The following ADGRV1 variants were observed in gnomAD, a reference collection of about 807,000 sequenced individuals.
ADGRV1 encodes G-protein coupled receptor 98.
In ADGRV1, 359 loss-of-function variants were observed where a neutral mutation model predicts 596.2. The observed-to-expected ratio is 0.60, with a 90% CI of 0.55 to 0.66. The LOEUF is 0.66. Ranked by LOEUF, ADGRV1 falls within the 30% of genes least tolerant of loss-of-function variation. The pLI is 0.00. For missense variants in ADGRV1, 7,274 were observed against 7,575.6 expected (o/e 0.96, Z 1.48); for synonymous variants, 2,681 against 2,679.2 (o/e 1.00, Z -0.02).
At chr5:91,157,256 A>G (rs1284117119) in intron 89 of ADGRV1, among the ~76,000 whole-genome samples, 1 of 152,230 alleles carries the variant, frequency 6.6e-6, no homozygotes, top group East Asian at 1.9e-4. Context: ...AAAGCTATGT[A>G]GCCTTTTGCA....
At chr5:91,007,876 A>G (rs1269123405) in intron 85 of ADGRV1, among the ~76,000 whole-genome samples, 1 of 152,136 alleles carries the variant, frequency 6.6e-6, no homozygotes, top group Non-Finnish European at 1.5e-5. Flanking sequence ...CAATTATACT[A>G]CTAATAGTAT....
intron 64 of ADGRV1, among the ~76,000 whole-genome samples, chr5:90,780,590 A>G (rs1375571888): frequency 6.6e-6 from 1 of 152,224 alleles, no homozygotes; most frequent in Non-Finnish European, 1.5e-5. Context: ...AAGTATCATT[A>G]CAGAAGTAAA....
At chr5:90,791,443 A>G in intron 70 of ADGRV1, 97 bp downstream of exon 70, 2 of 913,720 alleles carry the variant, frequency 2.2e-6, no homozygotes, top group Non-Finnish European at 3.2e-6. Context: ...TTATTCAGGT[A>G]TTTAAATGGA....
At chr5:91,094,461 TA>T (rs533784886) in intron 86 of ADGRV1, among the ~76,000 whole-genome samples, 3,676 of 128,986 alleles carry the variant, frequency 0.028, 84 homozygotes, top group African/African-American at 0.072. Context: ...TCCTTCTATG[TA>T]AAAAAAAAAA....
chr5:90,919,981 T>G (rs1581512349), intron 83 of ADGRV1, among the ~76,000 whole-genome samples: 2 of 108,996 alleles, frequency 1.8e-5, no homozygotes, highest in Non-Finnish European at 1.8e-5. Context: ...GCAACAAGAG[T>G]GAAACTCCAT....
chr5:90,609,120 A>G (rs747335300), intron 1 of ADGRV1, among the ~76,000 whole-genome samples: 1 of 152,058 alleles, frequency 6.6e-6, no homozygotes, highest in Admixed American at 6.6e-5. Context: ...AGGAATACAT[A>G]TATTTCTGTA....
At chr5:91,152,727 C>T (rs753962828) in intron 88 of ADGRV1, among the ~76,000 whole-genome samples, 5 of 152,150 alleles carry the variant, frequency 3.3e-5, no homozygotes, top group Non-Finnish European at 7.4e-5. Context: ...AGCACAGTGG[C>T]ATGATCATAG....
rs1054953389 is a variant in ADGRV1 at position 90,763,138 on chromosome 5, T to C, written c.12121-167T>C. On this transcript the variant is annotated intron_variant, in intron 58 of 89. Coordinates refer to ENST00000405460, the MANE Select transcript of ADGRV1 (RefSeq NM_032119.4). ...TGCCAACTAGTTGAGCATCTAGGAA[T>C]AGAAAGTGGGATTTGGTAAAAAAAA... 4.5e-5 allele frequency: 24 copies of C among 535,932 alleles called. No individual in the cohort carries two copies. In the East Asian group the frequency reaches 6.4e-4, roughly 14 times the overall value. The allele number at this position is 535,932 out of a possible 1,614,324, so 33.2% of individuals were successfully genotyped here. A position where few individuals can be genotyped will look rare whatever the true frequency, so the allele number is the denominator to read the frequency against.
chr5:90,835,387 C>G (rs1764889195), intron 77 of ADGRV1, among the ~76,000 whole-genome samples: 1 of 152,176 alleles, frequency 6.6e-6, no homozygotes, highest in Admixed American at 6.5e-5. Context: ...CTTACTTTCT[C>G]CTAAACAAAA....
intron 1 of ADGRV1, among the ~76,000 whole-genome samples, chr5:90,611,590 T>C (rs1762734112): frequency 6.6e-6 from 1 of 152,020 alleles, no homozygotes; most frequent in African/African-American, 2.4e-5. Flanking sequence ...GCTAAAATTA[T>C]TCTTTCACAG....
intron 77 of ADGRV1, among the ~76,000 whole-genome samples, chr5:90,832,120 G>A (rs1386629614): frequency 1.3e-5 from 2 of 152,074 alleles, no homozygotes; most frequent in South Asian, 4.1e-4. Flanking sequence ...GTATATACCT[G>A]GGAGTGGAAT....
chr5:90,853,338 GT>G lies in ADGRV1; in HGVS notation c.17260del (p.Tyr5754IlefsTer32). 1 of 1,613,332 alleles carries G rather than the reference GT, an allele frequency of 6.2e-7. No homozygotes were observed. The highest frequency in any genetic ancestry group is 8.5e-7 in the Non-Finnish European group (1 of 1,179,492). On this transcript the variant is annotated frameshift_variant, in exon 80 of 90. Coordinates refer to ENST00000405460, the MANE Select transcript of ADGRV1 (RefSeq NM_032119.4). LOFTEE classifies it high-confidence loss of function. Reference protein sequence around the residue: ...PYLSILALHWYPQQINGHKFE... With the variant: ...PYLSILALHWXPQQINGHKFE... ...ATTTGTCAATATTGGCTCTTCACTG[GT>G]ATCCTCAGCAAATCAATGGACACAA...
rs1034522917 is a variant in ADGRV1, at chr5:90,629,042, T to G, written c.1510-168T>G. ...CCACAAACTGTGATTTAGGAATATT[T>G]CCAAATCTGTTTTTGGTTCATCTTT... On this transcript the variant is annotated intron_variant, in intron 8 of 89. Coordinates refer to ENST00000405460, the MANE Select transcript of ADGRV1 (RefSeq NM_032119.4). 7 of 654,478 alleles carry G rather than the reference T, an allele frequency of 1.1e-5. No homozygotes were observed. The African/African-American group carries it at 1.1e-4, about 10-fold the overall frequency. 40.5% of individuals were successfully genotyped at this position (654,478 alleles called of 1,614,324 possible).
chr5:90,721,205 TATGTGTTGAGGCTGGGCGCTC>T (rs1750874948), intron 45 of ADGRV1, 146 bp downstream of exon 45: 1 of 726,502 alleles, frequency 1.4e-6, no homozygotes, highest in Non-Finnish European at 2.1e-6. Context: ...CATCTATAAA[TATGTGTTGAGGCTGGGCGCTC>T]ATGTGTTGAG....
At chr5:90,684,395 A>T (rs1030997458) in intron 28 of ADGRV1, among the ~76,000 whole-genome samples, 200 bp downstream of exon 28, 1 of 152,226 alleles carries the variant, frequency 6.6e-6, no homozygotes, top group Non-Finnish European at 1.5e-5. Flanking sequence ...AAAAGTCAGT[A>T]GAAAGTAAGA....
intron 59 of ADGRV1, among the ~76,000 whole-genome samples, chr5:90,770,904 C>T (rs1171288947): frequency 6.6e-6 from 1 of 152,150 alleles, no homozygotes; most frequent in Non-Finnish European, 1.5e-5. Context: ...GAATTTTACA[C>T]TGCAATCTGT....
chr5:90,614,092 T>C (rs1182777267), intron 1 of ADGRV1: 2 of 222,678 alleles, frequency 9.0e-6, no homozygotes, highest in African/African-American at 4.8e-5. Context: ...TGGAAAGCAC[T>C]TGAATCCCAG....
chr5:90,777,549 G>T (rs1050486284), intron 61 of ADGRV1, among the ~76,000 whole-genome samples: 3 of 152,136 alleles, frequency 2.0e-5, no homozygotes, highest in Non-Finnish European at 4.4e-5. Context: ...GCCCTTATAT[G>T]AAGGGTCTTC....
At chr5:91,097,806 C>T (rs1312822697) in intron 86 of ADGRV1, among the ~76,000 whole-genome samples, 4 of 152,066 alleles carry the variant, frequency 2.6e-5, no homozygotes, top group Non-Finnish European at 5.9e-5. Context: ...TTTTGATCTT[C>T]GTTTCCCTAA....
Sources: gnomAD v4.1 joint callset for allele counts (sites outside exome capture counted in the v4.1 genomes callset) on GRCh38, gnomAD v4.1.1 for gene constraint, MANE v1.5 for transcripts, NCBI Gene and HGNC (gene_info 2026-07-23, HGNC 2026-07-21) for gene names.